PLCH2: variants seen among roughly 807,000 people sequenced by gnomAD.
PLCH2 encodes the protein 1-phosphatidylinositol 4,5-bisphosphate phosphodiesterase eta-2.
In PLCH2, 98 loss-of-function variants were observed where a neutral mutation model predicts 134.7. That is an observed-to-expected ratio of 0.73 (90% CI 0.62 to 0.86). The LOEUF (loss-of-function observed/expected upper bound fraction) is 0.86. PLCH2 is among the 40% of genes least tolerant of loss of function. The pLI is 0.00. For missense variants in PLCH2, 1,994 were observed against 1,986.6 expected (o/e 1.00, Z -0.07); for synonymous variants, 974 against 827.5 (o/e 1.18, Z -3.04).
intron 6 of PLCH2, 36 bp from the exon 7 acceptor site, chr1:2,487,137 G>T (rs1032382976): frequency 6.5e-7 from 1 of 1,532,676 alleles, no homozygotes; most frequent in Non-Finnish European, 8.8e-7. Context: ...GGCTGGTGGT[G>T]GGCTGACATG....
chr1:2,469,835 G>A (rs576163145), intron 1 of PLCH2, among the ~76,000 whole-genome samples: 9 of 152,350 alleles, frequency 5.9e-5, no homozygotes, highest in African/African-American at 2.2e-4. Context: ...AGGACAGGAC[G>A]TTTCCTCTGG....
chr1:2,485,757 G>A (rs889318006), intron 5 of PLCH2, among the ~76,000 whole-genome samples: 1 of 152,156 alleles, frequency 6.6e-6, no homozygotes, highest in African/African-American at 2.4e-5. Flanking sequence ...GTCTGAGGGC[G>A]AGGATGGGAG....
chr1:2,472,186 G>A (rs1641355408), upstream of PLCH2, among the ~76,000 whole-genome samples: 1 of 152,208 alleles, frequency 6.6e-6, no homozygotes. Context: ...TTGGGGAGGA[G>A]GCTCCCAGAC....
Position 2,489,331 on chromosome 1 carries a change from A to G in PLCH2, c.1360A>G (p.Thr454Ala). 1.2e-6 allele frequency: 2 copies of G among 1,613,830 alleles called. No homozygotes were observed. The highest frequency in any genetic ancestry group is 1.7e-6 in the Non-Finnish European group (2 of 1,179,868). The change falls in exon 9 of 22, where the codon ACC (threonine) becomes GCC (alanine). Residue 454 changes from threonine to alanine, a missense_variant. Physicochemically the swap from Thr to Ala is moderately conservative, Grantham distance 58 (BLOSUM62 0). Transcript: ENST00000378486. Reference protein sequence around the residue: ...DLSSVSSEDATTLPSPQMLKG... With the variant: ...DLSSVSSEDAATLPSPQMLKG... The stretch of plus-strand genomic sequence containing the variant: ...GTCATCAGTGAGCAGTGAAGATGCC[A>G]CCACACTCCCCTCTCCACAGATGCT...
intron 9 of PLCH2, 62 bp downstream of exon 9, chr1:2,489,440 C>G: frequency 6.5e-7 from 1 of 1,545,292 alleles, no homozygotes; most frequent in Non-Finnish European, 8.9e-7. Flanking sequence ...GCAGCAGTGC[C>G]CTGCTCCAGA....
intron 7 of PLCH2, 91 bp downstream of exon 7, chr1:2,487,467 C>A (rs533193414): frequency 3.4e-5 from 50 of 1,475,706 alleles, no homozygotes; most frequent in Non-Finnish European, 4.5e-5. Flanking sequence ...GATCTCTGGG[C>A]AGGGGCTGGG....
At chr1:2,450,592 C>T (rs1640155847) in intron 2 of PLCH2, among the ~76,000 whole-genome samples, 1 of 105,972 alleles carries the variant, frequency 9.4e-6, no homozygotes, top group African/African-American at 3.7e-5. Context: ...CCCTCACTCC[C>T]CACCTGCCCC....
chr1:2,467,693 G>T (rs1228016330), intron 1 of PLCH2: 1 of 405,836 alleles, frequency 2.5e-6, no homozygotes, highest in East Asian at 3.6e-5. Flanking sequence ...CCAGAAGGGG[G>T]TTGTGATGGT....
In PLCH2 at chr1:2,444,271, GC is replaced by G. The variant is rs1450084625; in HGVS notation, c.115+13643del. On this transcript the variant is annotated intron_variant, in intron 2 of 3. Coordinates refer to the PLCH2 transcript ENST00000609981. This position sits in a 1 kb window ranked among gnomAD's most constrained non-coding sequence, Gnocchi z 4.6. ...GAGGTCGCACTGGGGCTGTGACCGT[GC>G]TGAGAATGACCCCTGCTGAGCCCAG... Among the ~76,000 whole-genome samples, 1 of 152,234 alleles carries G rather than the reference GC, an allele frequency of 6.6e-6. No homozygotes were observed. The highest frequency in any genetic ancestry group is 1.5e-5 in the Non-Finnish European group (1 of 68,030).
Position 2,504,354 on chromosome 1 carries a change from G to A in PLCH2, c.3392G>A (p.Trp1131Ter). ...YSDATGSDPLWQRLEPCGHRD... is the reference protein window; with the variant it reads ...YSDATGSDPL Reference sequence around the variant, plus strand: ...GATGCCACGGGCAGTGACCCGCTGTGGCAGCGGCTGGAGCCATGTGGCCAC... The same window carrying A: ...GATGCCACGGGCAGTGACCCGCTGTAGCAGCGGCTGGAGCCATGTGGCCAC... The change falls in exon 22 of 22, where the codon TGG (tryptophan) becomes TAG (stop). Residue 1131 changes from tryptophan to a stop codon, truncating the protein, a stop_gained. Coordinates refer to ENST00000378486, the MANE Select transcript of PLCH2 (RefSeq NM_014638.4). LOFTEE classifies it high-confidence loss of function. The A allele has an allele frequency of 6.2e-7, 1 of 1,610,322 alleles. No homozygotes were observed. The highest frequency in any genetic ancestry group is 1.1e-5 in the South Asian group (1 of 91,086).
chr1:2,472,544 C>T (rs771848445), upstream of PLCH2, among the ~76,000 whole-genome samples: 10 of 152,254 alleles, frequency 6.6e-5, no homozygotes, highest in South Asian at 2.1e-4. Context: ...CCCTGGGATG[C>T]GGCTGCCTCA....
chr1:2,425,280 T>C (rs761589075), upstream of PLCH2, among the ~76,000 whole-genome samples: 1 of 150,676 alleles, frequency 6.6e-6, no homozygotes, highest in Non-Finnish European at 1.5e-5. Flanking sequence ...TACACACACA[T>C]ATATACACAT....
At chr1:2,474,217 TGGGGAG>T (rs1305424704), upstream of PLCH2, among the ~76,000 whole-genome samples, 1 of 151,568 alleles carries the variant, frequency 6.6e-6, no homozygotes, top group East Asian at 2.0e-4. Flanking sequence ...AGGCAGCACG[TGGGGAG>T]GGGTTCTTAA....
chr1:2,474,282 G>A (rs549666775), upstream of PLCH2, among the ~76,000 whole-genome samples: 22 of 152,132 alleles, frequency 1.4e-4, 1 homozygote, highest in Middle Eastern at 0.013. Flanking sequence ...GGGCACCCCC[G>A]GCTTCACGCT....
rs1558036562 is a variant in PLCH2, at chr1:2,502,195, C to T, written c.2745C>T (p.Pro915=). The change falls in exon 21 of 22, where the codon CCC becomes CCT. Residue 915 remains proline, a synonymous_variant. Coordinates refer to ENST00000378486, the MANE Select transcript of PLCH2 (RefSeq NM_014638.4). ...GSLDSHAAGR[P]PARPSVSQRI... ...TGGACAGTCATGCTGCTGGGCGGCCCCCGGCCCGGCCCTCCGTTAGCCAGC... is the reference window on the plus strand; with the variant it reads ...TGGACAGTCATGCTGCTGGGCGGCCTCCGGCCCGGCCCTCCGTTAGCCAGC... 2 of 1,536,130 alleles carry T rather than the reference C, an allele frequency of 1.3e-6. No individual in the cohort carries two copies. The highest frequency in any genetic ancestry group is 1.4e-5 in the African/African-American group (1 of 72,282).
upstream of PLCH2, among the ~76,000 whole-genome samples, chr1:2,466,990 C>T (rs574985036): frequency 1.8e-4 from 27 of 152,298 alleles, 1 homozygote; most frequent in South Asian, 5.4e-3. Context: ...TGAAATGTCA[C>T]CTCAATGACC....
chr1:2,425,033 G>A (rs1186878906), upstream of PLCH2, among the ~76,000 whole-genome samples: 1 of 151,908 alleles, frequency 6.6e-6, no homozygotes, highest in Non-Finnish European at 1.5e-5. Flanking sequence ...CGTGGTGGCG[G>A]CCACCTGTAA....
chr1:2,429,779 G>A (rs750500181), intron 1 of PLCH2, among the ~76,000 whole-genome samples: 9 of 152,154 alleles, frequency 5.9e-5, no homozygotes, highest in African/African-American at 9.7e-5. Context: ...AGGGCTGCCC[G>A]CCATGCCTGT....
At position 2,479,959 on chromosome 1, in the gene PLCH2, G is replaced by A. The variant is rs1221516458; in HGVS notation, c.497G>A (p.Arg166His). 52 of 1,606,394 alleles carry A rather than the reference G, an allele frequency of 3.2e-5. No homozygotes were observed. Among genetic ancestry groups the A allele is most frequent in the Non-Finnish European group, 4.1e-5 (48 of 1,175,768 alleles). ...AGCGACGAGGACAGCCTGGCTCGCC[G>A]CCAGCGCACCAGGGACCAATATCCT... ...GISDEDSLAR[R>H]QRTRDQWLKQ... Residue 166 changes from arginine to histidine, a missense_variant, in exon 3 of 22, where the codon CGC (arginine) becomes CAC (histidine). This residue lies in a region of PLCH2 where 1,094 missense variants were observed against 1,234.3 expected (regional missense o/e 0.89). Transcript: ENST00000378486.
Sources: gnomAD v4.1 joint callset for allele counts (sites outside exome capture counted in the v4.1 genomes callset) on GRCh38, gnomAD v4.1.1 for gene constraint, gnomAD v4.1.1 regional missense constraint, Gnocchi (gnomAD v3.1) non-coding constraint, MANE v1.5 for transcripts, NCBI Gene and HGNC (gene_info 2026-07-23, HGNC 2026-07-21) for gene names.